ZFAND3: variants seen among roughly 807,000 people sequenced by gnomAD.
ZFAND3 encodes AN1-type zinc finger protein 3.
A neutral mutation model predicts 29.6 loss-of-function variants in ZFAND3; 10 were observed. That is an observed-to-expected ratio of 0.34 (90% CI 0.21 to 0.57). ZFAND3 has a LOEUF of 0.57. Among genes scored for constraint, ZFAND3 ranks in the 20% least tolerant of loss-of-function variants. The pLI is 0.86. For missense variants in ZFAND3, 230 were observed against 304.5 expected, an observed-to-expected ratio of 0.76 and a Z score of 1.82; for synonymous variants, 128 against 112.6, an observed-to-expected ratio of 1.14 and a Z score of -0.87.
At chr6:37,973,358 A>G (rs1447418166) in intron 2 of ZFAND3, among the ~76,000 whole-genome samples, 2 of 152,202 alleles carry the variant, frequency 1.3e-5, no homozygotes, top group Non-Finnish European at 2.9e-5. Flanking sequence ...TGGATTCATA[A>G]AACTGTTACA....
At chr6:37,929,196 C>T (rs892005146) in intron 1 of ZFAND3, among the ~76,000 whole-genome samples, 1 of 152,174 alleles carries the variant, frequency 6.6e-6, no homozygotes, top group Non-Finnish European at 1.5e-5. Context: ...TTAAATTATT[C>T]ATCGCTTGTA....
Position 38,091,743 on chromosome 6 carries a change from C to T in ZFAND3, c.361+9286C>T, listed in dbSNP as rs61651422. 1.4e-3 allele frequency among the ~76,000 whole-genome samples: 204 copies of T among 145,976 alleles called. 1 individual carries two copies. The highest frequency in any genetic ancestry group is 4.2e-3 in the African/African-American group (166 of 39,358). ...GTTCCTGGCTCTACTAATAGAACAGCGCATCAAGCAAGGCTGTAAATAAAA... is the reference window on the plus strand; with the variant it reads ...GTTCCTGGCTCTACTAATAGAACAGTGCATCAAGCAAGGCTGTAAATAAAA... On this transcript the variant is annotated intron_variant, in intron 4 of 5. Transcript: ENST00000287218.
intron 4 of ZFAND3, among the ~76,000 whole-genome samples, chr6:38,093,142 A>G (rs1764906419): frequency 6.6e-6 from 1 of 152,222 alleles, no homozygotes; most frequent in African/African-American, 2.4e-5. Context: ...TTTGCATATA[A>G]AGTAATACTT....
chr6:37,866,540 G>A (rs1764593734), intron 1 of ZFAND3, among the ~76,000 whole-genome samples: 1 of 152,176 alleles, frequency 6.6e-6, no homozygotes, highest in South Asian at 2.1e-4. Flanking sequence ...AGGGAAGTTT[G>A]AAATTAAAAT....
chr6:38,092,697 GA>G (rs1172106713), intron 4 of ZFAND3, among the ~76,000 whole-genome samples: 1 of 152,142 alleles, frequency 6.6e-6, no homozygotes, highest in Non-Finnish European at 1.5e-5. Context: ...CTAGTACTTG[GA>G]AAAACTGAGA....
chr6:37,834,382 A>C (rs1763924388), intron 1 of ZFAND3, among the ~76,000 whole-genome samples: 1 of 152,186 alleles, frequency 6.6e-6, no homozygotes, highest in Admixed American at 6.5e-5. Context: ...ATTATACTAC[A>C]GTTTATCCAC....
At chr6:38,110,377 A>G (rs971025811) in intron 4 of ZFAND3, among the ~76,000 whole-genome samples, 7 of 152,168 alleles carry the variant, frequency 4.6e-5, no homozygotes, top group African/African-American at 1.7e-4. Context: ...TCAGGAGAAG[A>G]TGAATCTAAT....
chr6:37,970,479 G>A (rs1434032567), intron 2 of ZFAND3, among the ~76,000 whole-genome samples: 1 of 152,186 alleles, frequency 6.6e-6, no homozygotes, highest in Non-Finnish European at 1.5e-5. Context: ...ATTTGGTTCT[G>A]TGGCAAGAAT....
At chr6:37,875,640 T>A (rs991660726) in intron 1 of ZFAND3, among the ~76,000 whole-genome samples, 3 of 151,932 alleles carry the variant, frequency 2.0e-5, no homozygotes, top group Admixed American at 2.0e-4. Context: ...CTGTATTTTT[T>A]TTTTTTTTTA....
chr6:37,994,858 G>GT (rs1762823977), intron 2 of ZFAND3, among the ~76,000 whole-genome samples: 1 of 152,088 alleles, frequency 6.6e-6, no homozygotes, highest in Admixed American at 6.6e-5. Context: ...TATCAGGCAG[G>GT]TCCCCCCAAA....
intron 1 of ZFAND3, among the ~76,000 whole-genome samples, chr6:37,858,411 G>C (rs150667917): frequency 6.6e-6 from 1 of 152,186 alleles, no homozygotes; most frequent in African/African-American, 2.4e-5. Context: ...TATGCTTGAC[G>C]TGCCGAAAGG....
At chr6:37,956,652 G>C (rs1762090308) in intron 2 of ZFAND3, among the ~76,000 whole-genome samples, 1 of 152,286 alleles carries the variant, frequency 6.6e-6, no homozygotes, top group East Asian at 1.9e-4. Flanking sequence ...TTATCTTTTT[G>C]GGGTCACGGA....
At chr6:37,954,975 G>T (rs148103769) in intron 2 of ZFAND3, among the ~76,000 whole-genome samples, 2 of 152,278 alleles carry the variant, frequency 1.3e-5, no homozygotes, top group Non-Finnish European at 2.9e-5. Context: ...TTTCAAATGG[G>T]TCTTAGCCTC....
intron 1 of ZFAND3, among the ~76,000 whole-genome samples, chr6:37,923,935 G>C (rs1166975440): frequency 6.6e-6 from 1 of 151,714 alleles, no homozygotes; most frequent in Non-Finnish European, 1.5e-5. Context: ...ATCTAAAAAA[G>C]TATTTCTTAT....
At chr6:37,858,704 C>T (rs751896172) in intron 1 of ZFAND3, among the ~76,000 whole-genome samples, 4 of 152,070 alleles carry the variant, frequency 2.6e-5, no homozygotes, top group Non-Finnish European at 5.9e-5. Context: ...ATATTTCCTG[C>T]GTATGAGTGA....
intron 2 of ZFAND3, among the ~76,000 whole-genome samples, chr6:37,954,971 A>G (rs1197728042): frequency 1.3e-5 from 2 of 152,154 alleles, no homozygotes; most frequent in Non-Finnish European, 2.9e-5. Context: ...ACCCTTTCAA[A>G]TGGGTCTTAG....
At chr6:37,947,106 G>T (rs1179460220) in intron 2 of ZFAND3, among the ~76,000 whole-genome samples, 4 of 152,214 alleles carry the variant, frequency 2.6e-5, no homozygotes, top group Admixed American at 2.6e-4. Context: ...TTAAAATAGT[G>T]TTTACTTTTG....
Position 37,849,469 on chromosome 6 carries a change from C to T in ZFAND3, c.71+29453C>T, listed in dbSNP as rs756689188. Among the ~76,000 whole-genome samples the T allele has an allele frequency of 9.0e-4, 137 of 152,130 alleles. 2 individuals are homozygous for T. Among genetic ancestry groups the T allele is most frequent in the African/African-American group, 3.2e-3 (132 of 41,408 alleles). ...TATTGCCCAGGCTGGAGTGCAGTGG[C>T]GTGATCTTGGCTCACTGCAACCTCT... is the stretch of plus-strand genomic sequence containing the variant. On this transcript the variant is annotated intron_variant, in intron 1 of 5. Transcript: ENST00000287218.
chr6:38,086,799 A>G (rs990079266), intron 4 of ZFAND3, among the ~76,000 whole-genome samples: 35 of 152,326 alleles, frequency 2.3e-4, no homozygotes, highest in African/African-American at 7.5e-4. Flanking sequence ...TGCAATCCCT[A>G]TCAAAATACC....
Sources: gnomAD v4.1 joint callset for allele counts (sites outside exome capture counted in the v4.1 genomes callset) on GRCh38, gnomAD v4.1.1 for gene constraint, MANE v1.5 for transcripts, NCBI Gene and HGNC (gene_info 2026-07-23, HGNC 2026-07-21) for gene names.